Variants in FOXP1 observed in about 807,000 individuals in gnomAD.
The protein encoded by FOXP1 is forkhead box protein P1.
In FOXP1, 15 loss-of-function variants were observed where a neutral mutation model predicts 98.2. The ratio of observed to expected loss-of-function variants is 0.15; its 90% CI spans 0.10 to 0.24. The LOEUF (loss-of-function observed/expected upper bound fraction) is 0.24. Ranked by LOEUF, FOXP1 falls within the 10% of genes least tolerant of loss-of-function variation. The pLI is 1.00. For synonymous variants in FOXP1, 371 were observed against 314.5 expected (o/e 1.18, Z -1.90); for missense variants, 633 against 848.5 (o/e 0.75, Z 3.15).
intron 5 of FOXP1, among the ~76,000 whole-genome samples, chr3:71,238,184 A>G (rs545925486): frequency 3.9e-4 from 59 of 152,364 alleles, no homozygotes; most frequent in Middle Eastern, 6.8e-3. Flanking sequence ...GTGGTGATTC[A>G]GTGAACAAGG....
intron 3 of FOXP1, among the ~76,000 whole-genome samples, chr3:71,434,634 G>C (rs963199405): frequency 6.9e-6 from 1 of 144,356 alleles, no homozygotes; most frequent in African/African-American, 2.6e-5. Flanking sequence ...GGGATGGGGT[G>C]TGTGTGTGTG....
intron 2 of FOXP1, among the ~76,000 whole-genome samples, chr3:71,516,821 G>A (rs2042616638): frequency 6.6e-6 from 1 of 152,156 alleles, no homozygotes; most frequent in African/African-American, 2.4e-5. Context: ...ACTCTAGCCT[G>A]GGTGACAGAG....
At chr3:71,546,093 G>T (rs904578423) in intron 2 of FOXP1, among the ~76,000 whole-genome samples, 1 of 152,132 alleles carries the variant, frequency 6.6e-6, no homozygotes, top group African/African-American at 2.4e-5. Context: ...CCCAGGAGGG[G>T]TCATGGATTT....
At chr3:71,188,247 T>C (rs2062762180) in intron 6 of FOXP1, among the ~76,000 whole-genome samples, 1 of 152,210 alleles carries the variant, frequency 6.6e-6, no homozygotes, top group South Asian at 2.1e-4. Context: ...TATATCTCAC[T>C]ACTTAACCTT....
chr3:71,356,712 G>A (rs1397950787), intron 4 of FOXP1, among the ~76,000 whole-genome samples: 1 of 152,126 alleles, frequency 6.6e-6, no homozygotes, highest in Non-Finnish European at 1.5e-5. Flanking sequence ...GGAAAAGGTG[G>A]AATCTGAGTC....
At chr3:71,191,839 C>T (rs979554177) in intron 6 of FOXP1, among the ~76,000 whole-genome samples, 2 of 152,072 alleles carry the variant, frequency 1.3e-5, no homozygotes, top group African/African-American at 4.8e-5. Context: ...TTTGTTTGTA[C>T]GGTTATCACT....
At chr3:71,041,663 TC>T (rs1031047463) in intron 10 of FOXP1, 131 bp from the exon 11 acceptor site, 12 of 836,024 alleles carry the variant, frequency 1.4e-5, no homozygotes, top group South Asian at 5.8e-5. Flanking sequence ...CAGTTTTTTT[TC>T]CCCTCCCAAC....
At chr3:71,027,299 C>T (rs2046263433) in intron 11 of FOXP1, among the ~76,000 whole-genome samples, 1 of 152,170 alleles carries the variant, frequency 6.6e-6, no homozygotes, top group African/African-American at 2.4e-5. Flanking sequence ...TTTTCTTCCC[C>T]TCCCCAGTAT....
At chr3:70,973,835 G>GCCCCCC (rs56950015) in intron 17 of FOXP1, among the ~76,000 whole-genome samples, 3 of 36,692 alleles carry the variant, frequency 8.2e-5, no homozygotes, top group South Asian at 2.0e-3. Flanking sequence ...TTTGCACACC[G>GCCCCCC]CCCCCCCCCC....
At position 71,052,552 on chromosome 3, in the gene FOXP1, TC is replaced by T. The variant is rs2107113374; in HGVS notation, c.494del (p.Gly165GlufsTer41). 1.5e-6 allele frequency: 2 copies of T among 1,351,768 alleles called. No individual in the cohort carries two copies. Among genetic ancestry groups the T allele is most frequent in the African/African-American group, 1.4e-5 (1 of 70,130 alleles). The allele number at this position is 1,351,768 out of a possible 1,614,324, so 83.7% of individuals were successfully genotyped here. A position where few individuals can be genotyped will look rare whatever the true frequency, so the allele number is the denominator to read the frequency against. On this transcript the variant is annotated frameshift_variant, in exon 9 of 21. Coordinates refer to ENST00000649528, the MANE Select transcript of FOXP1 (RefSeq NM_001349338.3). LOFTEE classifies it high-confidence loss of function. ...TTGTCGGTACCTCTTTAGGCTGTTT[TC>T]CAGCATGTTGTTGTTGTAAAAGTTG... ...QLQLLQQQHA[G>X]KQPKEQQQVA...
At chr3:71,299,747 A>T (rs905624651) in intron 5 of FOXP1, 73 bp downstream of exon 5, 1 of 152,636 alleles carries the variant, frequency 6.6e-6, no homozygotes, top group Non-Finnish European at 1.5e-5. Flanking sequence ...ACCAAAAAGC[A>T]ACTGAATTAA....
chr3:71,340,644 T>C (rs1284215474), intron 4 of FOXP1, among the ~76,000 whole-genome samples: 1 of 152,200 alleles, frequency 6.6e-6, no homozygotes, highest in South Asian at 2.1e-4. Context: ...ATGATCTGGG[T>C]AAATCAAAGC....
At chr3:71,537,258 T>G (rs1029317130) in intron 2 of FOXP1, among the ~76,000 whole-genome samples, 7 of 152,188 alleles carry the variant, frequency 4.6e-5, no homozygotes, top group Non-Finnish European at 7.3e-5. Flanking sequence ...CGAACTCAGT[T>G]CCAGCTGGAT....
intron 4 of FOXP1, among the ~76,000 whole-genome samples, chr3:71,314,705 C>CA (rs559483378): frequency 7.5e-4 from 114 of 152,032 alleles, no homozygotes; most frequent in Middle Eastern, 6.8e-3. Flanking sequence ...ATTGGGGTCT[C>CA]ACCTACCTCA....
chr3:70,996,150 C>A (rs981762139), intron 13 of FOXP1, among the ~76,000 whole-genome samples: 2 of 152,104 alleles, frequency 1.3e-5, no homozygotes. Flanking sequence ...CTGTGCCTGG[C>A]TAATTTTGTG....
At chr3:71,177,346 G>A (rs959471675) in intron 6 of FOXP1, among the ~76,000 whole-genome samples, 4 of 152,210 alleles carry the variant, frequency 2.6e-5, no homozygotes, top group African/African-American at 9.6e-5. Context: ...TGGAAAAGCT[G>A]CTGTCTATGG....
Position 70,959,094 on chromosome 3 carries a change from C to T in FOXP1, c.*153G>A. On this transcript the variant is annotated 3_prime_UTR_variant, in exon 21 of 21. Coordinates refer to ENST00000649528, the MANE Select transcript of FOXP1 (RefSeq NM_001349338.3). ...CTCCCAAATGGGGTTCTTGATGGCA[C>T]TAAGAGTTAACACATTTCAGAGTTG... The T allele has an allele frequency of 1.2e-6, 1 of 851,376 alleles. No individual in the cohort carries two copies. Among genetic ancestry groups the T allele is most frequent in the Non-Finnish European group, 1.9e-6 (1 of 537,074 alleles). 52.7% of individuals were successfully genotyped at this position (851,376 alleles called of 1,614,324 possible).
At chr3:71,269,848 A>C (rs2070156813) in intron 5 of FOXP1, among the ~76,000 whole-genome samples, 1 of 152,192 alleles carries the variant, frequency 6.6e-6, no homozygotes, top group South Asian at 2.1e-4. Context: ...TTGCCCACTG[A>C]TATCACTCAC....
intron 13 of FOXP1, among the ~76,000 whole-genome samples, chr3:70,993,240 G>T (rs1009812216): frequency 3.3e-5 from 5 of 152,112 alleles, no homozygotes; most frequent in African/African-American, 1.2e-4. Context: ...GATGATTTGG[G>T]AGATGTTGGA....
Sources: allele counts gnomAD v4.1 joint callset (sites outside exome capture counted in the v4.1 genomes callset), GRCh38; gene constraint gnomAD v4.1.1; transcripts MANE v1.5; gene names NCBI Gene and HGNC (gene_info 2026-07-23, HGNC 2026-07-21).